The following DCDC2C variants were observed in gnomAD, a reference collection of about 807,000 sequenced individuals.
The protein encoded by DCDC2C is doublecortin domain containing 2C, also known as doublecortin domain-containing protein 2C.
A neutral mutation model predicts 45.0 loss-of-function variants in DCDC2C; 44 were observed. That is an observed-to-expected ratio of 0.98 (90% confidence interval 0.77 to 1.26). The LOEUF is 1.26. DCDC2C is among the 50% of genes most tolerant of loss of function. DCDC2C has a pLI of 0.00. For missense variants in DCDC2C, 447 were observed against 468.9 expected (o/e 0.95, Z 0.43); for synonymous variants, 187 against 178.8 (o/e 1.05, Z -0.37).
chr2:3,754,672 T>A, intron 6 of DCDC2C, 38 bp downstream of exon 6: 1 of 1,518,078 alleles, frequency 6.6e-7, no homozygotes, highest in Non-Finnish European at 8.9e-7. Flanking sequence ...AACTTGTTTC[T>A]GATTCTGGCG....
chr2:3,726,436 C>G (rs1668690144), intron 2 of DCDC2C, among the ~76,000 whole-genome samples: 1 of 152,136 alleles, frequency 6.6e-6, no homozygotes, highest in South Asian at 2.1e-4. Context: ...CCCTTTGTGT[C>G]TTATCTGCAG....
At chr2:3,817,668 G>A (rs901903017) in intron 10 of DCDC2C, among the ~76,000 whole-genome samples, 1 of 152,190 alleles carries the variant, frequency 6.6e-6, no homozygotes, top group Non-Finnish European at 1.5e-5. Context: ...AGGCTACAGG[G>A]TGCAGTCCTG....
At chr2:3,722,589 C>G (rs940586844) in intron 2 of DCDC2C, among the ~76,000 whole-genome samples, 1 of 152,194 alleles carries the variant, frequency 6.6e-6, no homozygotes, top group African/African-American at 2.4e-5. Flanking sequence ...TCATGGCGTC[C>G]TTCAGCCTCT....
intron 10 of DCDC2C, among the ~76,000 whole-genome samples, chr2:3,844,967 T>TAAG (rs140657905): frequency 2.8e-4 from 42 of 152,292 alleles, no homozygotes; most frequent in African/African-American, 9.9e-4. Flanking sequence ...TAATTATACA[T>TAAG]ACCTATTTTT....
intron 2 of DCDC2C, among the ~76,000 whole-genome samples, chr2:3,720,514 A>C (rs944907505): frequency 6.6e-6 from 1 of 152,198 alleles, no homozygotes; most frequent in African/African-American, 2.4e-5. Context: ...GCAGAGTAAA[A>C]TACTGTGAAA....
intron 9 of DCDC2C, among the ~76,000 whole-genome samples, chr2:3,783,090 C>A (rs1019737005): frequency 1.3e-5 from 2 of 152,058 alleles, no homozygotes; most frequent in East Asian, 3.9e-4. Context: ...TAGGAGTGGT[C>A]GGGTATTGTG....
intron 10 of DCDC2C, chr2:3,788,326 T>C (rs990447555): frequency 6.6e-6 from 1 of 152,246 alleles, no homozygotes; most frequent in African/African-American, 2.4e-5. Context: ...AGTAACTTTC[T>C]GAAATATAAC....
chr2:3,797,234 A>G (rs1228695521), intron 10 of DCDC2C, among the ~76,000 whole-genome samples: 4 of 151,952 alleles, frequency 2.6e-5, no homozygotes, highest in South Asian at 2.1e-4. Context: ...ATCATTTTTT[A>G]TTGCGTCTAT....
chr2:3,778,757 AT>A, intron 8 of DCDC2C, 58 bp from the exon 9 acceptor site: 1 of 1,515,030 alleles, frequency 6.6e-7, no homozygotes, highest in Non-Finnish European at 9.0e-7. Flanking sequence ...GTGCTCTCTG[AT>A]TTTTTAAAAG....
chr2:3,765,762 A>T (rs1669995583), intron 6 of DCDC2C, among the ~76,000 whole-genome samples: 1 of 152,186 alleles, frequency 6.6e-6, no homozygotes, highest in Non-Finnish European at 1.5e-5. Flanking sequence ...CTGATGAAAG[A>T]AAAACACAAC....
intron 1 of DCDC2C, among the ~76,000 whole-genome samples, chr2:3,704,354 G>T (rs1232334256): frequency 7.0e-6 from 1 of 142,086 alleles, no homozygotes; most frequent in Non-Finnish European, 1.5e-5. Flanking sequence ...AGAAACAGGG[G>T]TGTGGAGGAG....
intron 9 of DCDC2C, 116 bp from the exon 10 acceptor site, chr2:3,784,943 T>G (rs1670611310): frequency 4.5e-6 from 3 of 671,090 alleles, no homozygotes; most frequent in African/African-American, 1.9e-5. Flanking sequence ...GAATGATGTT[T>G]ATGAGAAAGA....
chr2:3,704,302 C>A, intron 1 of DCDC2C: 2 of 359,240 alleles, frequency 5.6e-6, no homozygotes, highest in East Asian at 4.1e-5. Context: ...TTCAGGACCG[C>A]CCCAGAGACG....
intron 1 of DCDC2C, among the ~76,000 whole-genome samples, chr2:3,707,201 T>C (rs1255652118): frequency 1.3e-5 from 2 of 152,226 alleles, no homozygotes; most frequent in Non-Finnish European, 2.9e-5. Context: ...CCTTTCTTTC[T>C]GTTTTTATAA....
chr2:3,834,952 A>G (rs1672040406), intron 10 of DCDC2C, among the ~76,000 whole-genome samples: 1 of 152,210 alleles, frequency 6.6e-6, no homozygotes. Context: ...AATGGTAGGT[A>G]TTAGTTTTCT....
chr2:3,814,229 C>CT (rs1238600258), intron 10 of DCDC2C, among the ~76,000 whole-genome samples: 2 of 152,080 alleles, frequency 1.3e-5, no homozygotes, highest in Non-Finnish European at 1.5e-5. Flanking sequence ...CCTTTTCATT[C>CT]TTTTTTCTCT....
intron 3 of DCDC2C, among the ~76,000 whole-genome samples, chr2:3,730,896 G>C (rs1668848818): frequency 6.6e-6 from 1 of 152,206 alleles, no homozygotes; most frequent in South Asian, 2.1e-4. Context: ...GCTATGTCTT[G>C]GGTGTGAGCC....
chr2:3,828,268 T>C (rs1000543132), intron 10 of DCDC2C, among the ~76,000 whole-genome samples: 5 of 152,284 alleles, frequency 3.3e-5, no homozygotes, highest in African/African-American at 9.6e-5. Flanking sequence ...AAGGTGACAA[T>C]AGAAACAGCA....
At chr2:3,727,169 C>T (rs1353450894) in intron 3 of DCDC2C, 90 bp downstream of exon 3, 3 of 1,035,988 alleles carry the variant, frequency 2.9e-6, no homozygotes, top group Admixed American at 2.1e-5. Flanking sequence ...CCCTCAGCCC[C>T]CTTTCTGTCC....
Sources: gnomAD v4.1 joint callset for allele counts (sites outside exome capture counted in the v4.1 genomes callset) on GRCh38, gnomAD v4.1.1 for gene constraint, MANE v1.5 for transcripts, NCBI Gene and HGNC (gene_info 2026-07-23, HGNC 2026-07-21) for gene names.